The following DACH1 variants were observed in gnomAD, a reference collection of about 807,000 sequenced individuals.
The protein encoded by DACH1 is dachshund family transcription factor 1.
DACH1 carries 12 observed loss-of-function variants against 54.2 expected under a neutral mutation model. The ratio of observed to expected loss-of-function variants is 0.22; its 90% CI spans 0.14 to 0.36. The LOEUF (loss-of-function observed/expected upper bound fraction) is 0.36. Among genes scored for constraint, DACH1 ranks in the 10% least tolerant of loss-of-function variants. The pLI is 1.00. For missense variants in DACH1, 805 were observed against 929.8 expected, an observed-to-expected ratio of 0.87 and a Z score of 1.75; for synonymous variants, 386 against 366.2, an observed-to-expected ratio of 1.05 and a Z score of -0.62.
chr13:71,525,465 A>C (rs1881891000), intron 6 of DACH1, among the ~76,000 whole-genome samples: 1 of 152,164 alleles, frequency 6.6e-6, no homozygotes, highest in Admixed American at 6.5e-5. Context: ...ATATTATTTT[A>C]AACAATATAA....
At chr13:71,700,584 AAGAGAG>A (rs67368718) in intron 1 of DACH1, among the ~76,000 whole-genome samples, 21 of 109,712 alleles carry the variant, frequency 1.9e-4, no homozygotes, top group African/African-American at 7.1e-4. Flanking sequence ...AAAAAAAAAA[AAGAGAG>A]AGAGAGAGAG....
At chr13:71,472,783 A>G (rs1272713119) in intron 10 of DACH1, among the ~76,000 whole-genome samples, 1 of 152,178 alleles carries the variant, frequency 6.6e-6, no homozygotes, top group Non-Finnish European at 1.5e-5. Flanking sequence ...CAAATTAGTA[A>G]TGAGTTCTGG....
At chr13:71,834,260 T>C (rs1235124818) in intron 1 of DACH1, among the ~76,000 whole-genome samples, 2 of 152,016 alleles carry the variant, frequency 1.3e-5, no homozygotes, top group Non-Finnish European at 2.9e-5. Context: ...ATATTTTTCA[T>C]AATGAAGCTA....
intron 3 of DACH1, among the ~76,000 whole-genome samples, chr13:71,587,824 A>T (rs939700012): frequency 6.6e-6 from 1 of 152,134 alleles, no homozygotes; most frequent in South Asian, 2.1e-4. Flanking sequence ...TCCATAAAAA[A>T]GATAGCTCCC....
chr13:71,546,839 T>A (rs886184441), intron 6 of DACH1, among the ~76,000 whole-genome samples: 6 of 152,066 alleles, frequency 3.9e-5, no homozygotes, highest in East Asian at 1.9e-4. Context: ...ATCTAATGAA[T>A]CATGTATCAT....
chr13:71,484,911 A>T (rs1376174688), intron 7 of DACH1, among the ~76,000 whole-genome samples: 3 of 152,090 alleles, frequency 2.0e-5, no homozygotes, highest in Non-Finnish European at 2.9e-5. Flanking sequence ...AATGCTTTTT[A>T]AAAATTGCCA....
chr13:71,790,749 C>CA (rs1026102271), intron 1 of DACH1, among the ~76,000 whole-genome samples: 3 of 152,064 alleles, frequency 2.0e-5, no homozygotes, highest in Non-Finnish European at 2.9e-5. Flanking sequence ...TCAGGAAAGT[C>CA]AAAATCTAAG....
At chr13:71,865,388 A>ACCGCT (rs1313651575) in intron 1 of DACH1, among the ~76,000 whole-genome samples, 1 of 151,186 alleles carries the variant, frequency 6.6e-6, no homozygotes, top group Non-Finnish European at 1.5e-5. Flanking sequence ...CGGGGCCCTC[A>ACCGCT]CCCGGAGCGC....
At chr13:71,763,545 T>TC (rs984458897) in intron 1 of DACH1, among the ~76,000 whole-genome samples, 32 of 152,068 alleles carry the variant, frequency 2.1e-4, no homozygotes, top group African/African-American at 7.7e-4. Context: ...ATTTTTTTTT[T>TC]TGAGATGGTA....
chr13:71,461,026 C>A (rs1876025091), intron 10 of DACH1, among the ~76,000 whole-genome samples: 1 of 151,960 alleles, frequency 6.6e-6, no homozygotes, highest in South Asian at 2.1e-4. Context: ...GTCCTGAACT[C>A]TTAGGGAAAT....
intron 3 of DACH1, among the ~76,000 whole-genome samples, chr13:71,619,243 T>C (rs1345550753): frequency 6.6e-6 from 1 of 151,906 alleles, no homozygotes; most frequent in Non-Finnish European, 1.5e-5. Flanking sequence ...GAGCAAAGGA[T>C]TAAAATTCCT....
chr13:71,487,726 A>G (rs1276058644), intron 7 of DACH1, among the ~76,000 whole-genome samples: 1 of 152,216 alleles, frequency 6.6e-6, no homozygotes, highest in African/African-American at 2.4e-5. Flanking sequence ...CTTTTGCTTC[A>G]TATTGAGTTT....
intron 1 of DACH1, among the ~76,000 whole-genome samples, chr13:71,802,719 A>T (rs533065858): frequency 1.3e-5 from 2 of 152,286 alleles, no homozygotes; most frequent in South Asian, 4.1e-4. Context: ...ATGAAAACAA[A>T]ATTAATTTGC....
rs1291265917 is a variant in DACH1, at chr13:71,866,576, G to A, written c.194C>T (p.Ala65Val). The A allele has an allele frequency of 1.6e-6, 2 of 1,280,732 alleles. No individual in the cohort carries two copies. The highest frequency in any genetic ancestry group is 2.0e-6 in the Non-Finnish European group (2 of 1,010,980). The allele number at this position is 1,280,732 out of a possible 1,614,324, so 79.3% of individuals were successfully genotyped here. The change falls in exon 1 of 11, where the codon GCG (alanine) becomes GTG (valine). Residue 65 changes from alanine to valine, a missense_variant. Physicochemically the swap from Ala to Val is moderately conservative, Grantham distance 64 (BLOSUM62 0). Around this residue, in one of 3 missense-constraint regions of DACH1, gnomAD observed 305 missense variants for 308.7 expected, o/e 0.99. Coordinates refer to ENST00000613252, the MANE Select transcript of DACH1 (RefSeq NM_080759.6). The stretch of plus-strand genomic sequence containing the variant: ...GGTAGAGGTGACTGTGGCCGCCGCC[G>A]CCGCCGCCGAAGCGATGGGCTCCGG... ...FRPEPIASAA[A>V]AAATVTSTGG...
intron 2 of DACH1, among the ~76,000 whole-genome samples, chr13:71,670,092 G>T (rs1168266269): frequency 6.6e-6 from 1 of 150,604 alleles, no homozygotes; most frequent in African/African-American, 2.4e-5. Flanking sequence ...TAATTAATGT[G>T]AAATGGCACA....
chr13:71,832,841 C>T lies in DACH1; in HGVS notation c.848+33081G>A, dbSNP rs1168008530. The stretch of plus-strand genomic sequence containing the variant: ...TATTTAAGTTAAATGACCAAGCCAA[C>T]ATTAAATTGCTTTGTTTTTATATAT... On this transcript the variant is annotated intron_variant, in intron 1 of 10. Transcript: ENST00000613252. Among the ~76,000 whole-genome samples the T allele has an allele frequency of 3.3e-5, 5 of 151,906 alleles. No homozygotes were observed. The Admixed American group carries it at 3.3e-4, about 10-fold the overall frequency.
In DACH1 at chr13:71,866,723, G is replaced by A. The variant is rs1351443893; in HGVS notation, c.47C>T (p.Pro16Leu). Residue 16 changes from proline to leucine, a missense_variant, in exon 1 of 11, where the codon CCT becomes CTT. Coordinates refer to ENST00000613252, the MANE Select transcript of DACH1 (RefSeq NM_080759.6). ...ALIPPTQLVP[P>L]QPPISTSASS... Reference sequence around the variant, plus strand: ...AGCAGACGTGGAGATTGGGGGTTGAGGGGGGACCAGCTGGGTCGGAGGGAT... The same window carrying A: ...AGCAGACGTGGAGATTGGGGGTTGAAGGGGGACCAGCTGGGTCGGAGGGAT... 6.9e-7 allele frequency: 1 copy of A among 1,444,100 alleles called. No homozygotes were observed. The highest frequency in any genetic ancestry group is 9.2e-7 in the Non-Finnish European group (1 of 1,089,772). The allele number at this position is 1,444,100 out of a possible 1,614,324, so 89.5% of individuals were successfully genotyped here.
intron 3 of DACH1, among the ~76,000 whole-genome samples, chr13:71,574,357 T>C (rs1166274420): frequency 6.6e-6 from 1 of 152,062 alleles, no homozygotes; most frequent in Non-Finnish European, 1.5e-5. Flanking sequence ...ATACAAACTA[T>C]CCACTTAGAG....
At chr13:71,667,669 C>T (rs530452812) in intron 2 of DACH1, among the ~76,000 whole-genome samples, 2 of 152,032 alleles carry the variant, frequency 1.3e-5, no homozygotes, top group South Asian at 2.1e-4. Context: ...AAAGCAATTG[C>T]CATTATAAAT....
Sources: allele counts gnomAD v4.1 joint callset (sites outside exome capture counted in the v4.1 genomes callset), GRCh38; gene constraint gnomAD v4.1.1; regional missense constraint gnomAD v4.1.1; transcripts MANE v1.5; gene names NCBI Gene and HGNC (gene_info 2026-07-23, HGNC 2026-07-21).